CACNA1A: variants seen among roughly 807,000 people sequenced by gnomAD.
The protein encoded by CACNA1A is calcium voltage-gated channel subunit alpha1 A.
In CACNA1A, 57 loss-of-function variants were observed where a neutral mutation model predicts 262.4. That is an observed-to-expected ratio of 0.22 (90% CI 0.18 to 0.27). The LOEUF is 0.27. Among genes scored for constraint, CACNA1A ranks in the 10% least tolerant of loss-of-function variants. The probability of loss-of-function intolerance (pLI) is 1.00; values close to 1 mark genes in which losing one functional copy is unlikely to be tolerated. For missense variants in CACNA1A, 2,526 were observed against 3,562.8 expected (o/e 0.71, Z 7.41); for synonymous variants, 1,431 against 1,419.3 (o/e 1.01, Z -0.18).
At chr19:13,346,641 TA>T (rs2058776390) in intron 6 of CACNA1A, among the ~76,000 whole-genome samples, 18 of 15,106 alleles carry the variant, frequency 1.2e-3, no homozygotes, top group South Asian at 2.9e-3. Context: ...TATATATATA[TA>T]TATATATATA....
At chr19:13,388,903 T>C (rs926466332) in intron 3 of CACNA1A, among the ~76,000 whole-genome samples, 2 of 152,160 alleles carry the variant, frequency 1.3e-5, no homozygotes, top group African/African-American at 2.4e-5. Context: ...TTTTATTTTT[T>C]GTTTTTTAAA....
intron 3 of CACNA1A, among the ~76,000 whole-genome samples, chr19:13,372,223 C>T (rs2059335263): frequency 6.6e-6 from 1 of 151,876 alleles, no homozygotes; most frequent in Non-Finnish European, 1.5e-5. Flanking sequence ...GTGCGATCTC[C>T]AATGGTGTGA....
At chr19:13,315,521 T>C (rs2058110135) in intron 11 of CACNA1A, 1 of 152,072 alleles carries the variant, frequency 6.6e-6, no homozygotes, top group South Asian at 2.1e-4. Context: ...TACAAGATGA[T>C]TAGTAGAGAG....
chr19:13,458,765 C>T (rs181251292), intron 1 of CACNA1A, among the ~76,000 whole-genome samples: 1 of 152,306 alleles, frequency 6.6e-6, no homozygotes, highest in African/African-American at 2.4e-5. Flanking sequence ...ACCTGCTGAT[C>T]AGCTGGTAAA....
chr19:13,293,698 C>T (rs896865546), intron 19 of CACNA1A, among the ~76,000 whole-genome samples: 2 of 150,756 alleles, frequency 1.3e-5, no homozygotes, highest in African/African-American at 2.4e-5. Context: ...CCTTGTGATC[C>T]GCTCACCTCG....
chr19:13,234,017 T>C (rs1469105921), intron 34 of CACNA1A, among the ~76,000 whole-genome samples: 1 of 133,452 alleles, frequency 7.5e-6, no homozygotes, highest in Admixed American at 8.4e-5. Flanking sequence ...GCCACTGCAC[T>C]CCAGCCTGGG....
At chr19:13,254,004 G>C (rs566990875) in intron 29 of CACNA1A, among the ~76,000 whole-genome samples, 1 of 152,082 alleles carries the variant, frequency 6.6e-6, no homozygotes, top group African/African-American at 2.4e-5. Flanking sequence ...CTCCCAAAGT[G>C]CTGGGATTAC....
At chr19:13,215,714 T>C (rs375118938) in intron 38 of CACNA1A, among the ~76,000 whole-genome samples, 1 of 151,482 alleles carries the variant, frequency 6.6e-6, no homozygotes, top group Non-Finnish European at 1.5e-5. Context: ...CCTCCCAGGT[T>C]CAAGAGATTC....
intron 5 of CACNA1A, chr19:13,364,227 T>G (rs986846302): frequency 6.7e-5 from 10 of 149,212 alleles, no homozygotes; most frequent in African/African-American, 2.6e-4. Context: ...ATCCTGGGGG[T>G]TGGGGGAGAC....
chr19:13,347,850 G>A (rs2058821262), intron 6 of CACNA1A, among the ~76,000 whole-genome samples: 1 of 152,188 alleles, frequency 6.6e-6, no homozygotes, highest in South Asian at 2.1e-4. Context: ...AAAAGGGCAT[G>A]GGTCAAAGGT....
intron 44 of CACNA1A, among the ~76,000 whole-genome samples, 184 bp downstream of exon 44, chr19:13,210,433 T>C (rs2054764513): frequency 6.6e-6 from 1 of 151,636 alleles, no homozygotes; most frequent in Non-Finnish European, 1.5e-5. Flanking sequence ...CCAGGGCTTA[T>C]GGGTGAGGGG....
At chr19:13,389,853 C>T (rs1029487571) in intron 3 of CACNA1A, among the ~76,000 whole-genome samples, 2 of 152,128 alleles carry the variant, frequency 1.3e-5, no homozygotes, top group African/African-American at 4.8e-5. Flanking sequence ...CGCTCTGTCG[C>T]CCAGGCCGGA....
intron 1 of CACNA1A, among the ~76,000 whole-genome samples, chr19:13,472,691 G>A (rs1978287838): frequency 6.6e-6 from 1 of 152,076 alleles, no homozygotes; most frequent in Non-Finnish European, 1.5e-5. Flanking sequence ...TCACTTACGT[G>A]GTACCCCTGT....
rs531368415 is a variant in CACNA1A at position 13,490,406 on chromosome 19, C to A, written c.293+15526G>T. ...GATCACGAGGTCAAGAGGTCGAGAC[C>A]AGCTTGGCCAACATGGTGAAACTCC... is the stretch of plus-strand genomic sequence containing the variant. On this transcript the variant is annotated intron_variant, in intron 1 of 46. Transcript: ENST00000360228. Among the ~76,000 whole-genome samples, 4 of 152,196 alleles carry A rather than the reference C, an allele frequency of 2.6e-5. No homozygotes were observed. The East Asian group carries it at 7.7e-4, about 29-fold the overall frequency.
At chr19:13,341,291 A>C (rs1323238304) in intron 6 of CACNA1A, among the ~76,000 whole-genome samples, 2 of 151,740 alleles carry the variant, frequency 1.3e-5, no homozygotes, top group Non-Finnish European at 2.9e-5. Context: ...CTCAGGAGGC[A>C]CCATGGCCCA....
intron 3 of CACNA1A, among the ~76,000 whole-genome samples, chr19:13,387,210 C>G (rs1392067674): frequency 6.6e-6 from 1 of 152,188 alleles, no homozygotes; most frequent in South Asian, 2.1e-4. Context: ...CCCGTCTTGG[C>G]CTCCCAAAGT....
At position 13,230,179 on chromosome 19, in the gene CACNA1A, C is replaced by T. The variant is rs749493135; in HGVS notation, c.5431G>A (p.Asp1811Asn). 1 of 1,613,824 alleles carries T rather than the reference C, an allele frequency of 6.2e-7. No individual in the cohort carries two copies. ...TCTCGGGTGAGGTACTCAAAGTTGT[C>T]CATGATGACGGCGACAAAGAGATTC... ...MLNLFVAVIMDNFEYLTRDSS... is the reference protein window; with the variant it reads ...MLNLFVAVIMNNFEYLTRDSS... Residue 1811 changes from aspartate (D) to asparagine (N), a missense_variant, in exon 36 of 47, where the codon GAC becomes AAC. Asp to Asn is a conservative substitution (Grantham distance 23, BLOSUM62 1). Around this residue, in one of 17 missense-constraint regions of CACNA1A, gnomAD observed 39 missense variants for 124.9 expected, o/e 0.31. Transcript: ENST00000360228.
chr19:13,455,046 C>T, intron 2 of CACNA1A, 61 bp downstream of exon 2: 1 of 987,442 alleles, frequency 1.0e-6, no homozygotes, highest in Admixed American at 1.8e-5. Flanking sequence ...TGCTCCACTC[C>T]CCCAAAAATT....
intron 24 of CACNA1A, among the ~76,000 whole-genome samples, chr19:13,264,017 A>G (rs528953943): frequency 6.6e-6 from 1 of 152,138 alleles, no homozygotes; most frequent in Non-Finnish European, 1.5e-5. Context: ...GGCTGCTGCC[A>G]TGGTCTCTGC....
Sources: gnomAD v4.1 joint callset for allele counts (sites outside exome capture counted in the v4.1 genomes callset) on GRCh38, gnomAD v4.1.1 for gene constraint, gnomAD v4.1.1 regional missense constraint, MANE v1.5 for transcripts, NCBI Gene and HGNC (gene_info 2026-07-23, HGNC 2026-07-21) for gene names.